NREP: variants seen among roughly 807,000 people sequenced by gnomAD.
The protein encoded by NREP is neuronal regeneration related protein.
A neutral mutation model predicts 8.6 loss-of-function variants in NREP; 5 were observed. The ratio of observed to expected loss-of-function variants is 0.58; its 90% CI spans 0.30 to 1.22. NREP has a LOEUF of 1.22. NREP is among the 50% of genes most tolerant of loss of function. NREP has a pLI of 0.07. For missense variants in NREP, 86 were observed against 82.5 expected (o/e 1.04, Z -0.17); for synonymous variants, 27 against 28.0 (o/e 0.96, Z 0.11).
chr5:111,825,528 T>C (rs1752602607), intron 2 of NREP, among the ~76,000 whole-genome samples: 1 of 152,224 alleles, frequency 6.6e-6, no homozygotes, highest in African/African-American at 2.4e-5. Flanking sequence ...TGCAGAATTC[T>C]TGATTACCAA....
At chr5:111,970,631 G>C (rs1470378041) in intron 2 of NREP, among the ~76,000 whole-genome samples, 1 of 151,944 alleles carries the variant, frequency 6.6e-6, no homozygotes, top group African/African-American at 2.4e-5. Flanking sequence ...TTTGAGACCA[G>C]CCTGGCCAAC....
At chr5:111,940,916 C>G (rs1755811508) in intron 2 of NREP, among the ~76,000 whole-genome samples, 1 of 152,034 alleles carries the variant, frequency 6.6e-6, no homozygotes, top group East Asian at 1.9e-4. Flanking sequence ...GCACATAGGG[C>G]AAGGTCGAGA....
chr5:111,775,965 TA>T (rs1751347218), intron 2 of NREP, among the ~76,000 whole-genome samples: 1 of 152,160 alleles, frequency 6.6e-6, no homozygotes, highest in South Asian at 2.1e-4. Flanking sequence ...TCACTTATAA[TA>T]AGAGACTTTC....
chr5:111,769,779 C>T (rs1751174749), intron 2 of NREP, among the ~76,000 whole-genome samples: 1 of 152,090 alleles, frequency 6.6e-6, no homozygotes. Context: ...TTTAAACCAC[C>T]AGATCTTGAG....
chr5:111,823,139 G>C (rs1752547766), intron 2 of NREP, among the ~76,000 whole-genome samples: 1 of 152,214 alleles, frequency 6.6e-6, no homozygotes, highest in African/African-American at 2.4e-5. Context: ...GGAAGCAAAA[G>C]AGTGAGAGGG....
intron 2 of NREP, among the ~76,000 whole-genome samples, chr5:111,922,548 C>T (rs935592734): frequency 6.6e-6 from 1 of 152,152 alleles, no homozygotes; most frequent in Non-Finnish European, 1.5e-5. Flanking sequence ...ACTTCCCATT[C>T]TCTGAGCTCG....
intron 2 of NREP, among the ~76,000 whole-genome samples, chr5:111,795,319 A>G (rs1176402404): frequency 6.6e-6 from 1 of 152,192 alleles, no homozygotes. Flanking sequence ...CCTGTAGGAA[A>G]CTTCAAGATG....
At chr5:111,960,999 T>C (rs1011993906) in intron 2 of NREP, among the ~76,000 whole-genome samples, 1 of 152,246 alleles carries the variant, frequency 6.6e-6, no homozygotes, top group Admixed American at 6.5e-5. Flanking sequence ...TGACATGGTA[T>C]GGCAAAAGTC....
At chr5:111,779,204 T>G (rs1751432852) in intron 2 of NREP, among the ~76,000 whole-genome samples, 1 of 152,186 alleles carries the variant, frequency 6.6e-6, no homozygotes, top group South Asian at 2.1e-4. Flanking sequence ...ATAAGCTTAT[T>G]GCTGTGTTGT....
At chr5:111,864,001 T>A (rs1753609340) in intron 2 of NREP, among the ~76,000 whole-genome samples, 1 of 152,118 alleles carries the variant, frequency 6.6e-6, no homozygotes, top group African/African-American at 2.4e-5. Flanking sequence ...GTCAGGCAGT[T>A]ACAGAGCTCA....
chr5:111,923,607 A>G (rs1395546688), intron 2 of NREP, among the ~76,000 whole-genome samples: 4 of 152,178 alleles, frequency 2.6e-5, no homozygotes. Flanking sequence ...GCTATTCTCC[A>G]GGGTTTATTT....
chr5:111,793,232 A>T (rs1405283846), intron 2 of NREP, among the ~76,000 whole-genome samples: 1 of 152,160 alleles, frequency 6.6e-6, no homozygotes, highest in East Asian at 1.9e-4. Flanking sequence ...ATATATAGAT[A>T]TATAAGAGGA....
chr5:111,802,188 G>A (rs1752029652), intron 2 of NREP, among the ~76,000 whole-genome samples: 1 of 152,238 alleles, frequency 6.6e-6, no homozygotes, highest in South Asian at 2.1e-4. Flanking sequence ...GCTTAATGAA[G>A]AATTTTAATA....
At chr5:111,930,441 G>A (rs1462864813) in intron 2 of NREP, among the ~76,000 whole-genome samples, 2 of 152,118 alleles carry the variant, frequency 1.3e-5, no homozygotes, top group Admixed American at 6.6e-5. Flanking sequence ...TGTTAAAAAT[G>A]TATTTTATGA....
intron 2 of NREP, among the ~76,000 whole-genome samples, chr5:111,824,624 G>T (rs1237073337): frequency 1.3e-5 from 2 of 152,080 alleles, no homozygotes; most frequent in Non-Finnish European, 2.9e-5. Context: ...GTTAAAATTG[G>T]TAAGGCAATA....
At chr5:111,862,451 T>A (rs893456788) in intron 2 of NREP, among the ~76,000 whole-genome samples, 5 of 152,058 alleles carry the variant, frequency 3.3e-5, no homozygotes, top group Non-Finnish European at 7.4e-5. Flanking sequence ...GCAGCTTTAG[T>A]CCTACTGAGA....
rs549647246 is a variant in NREP at position 111,794,007 on chromosome 5, T to C, written c.136-58500A>G. On this transcript the variant is annotated intron_variant, in intron 2 of 3. Transcript: ENST00000395634. Reference sequence around the variant, plus strand: ...AAGAGGAGAAGGCTGCAGTGAGCTATGCCCATGCTTAGTCTGGGCAACACA... The same window carrying C: ...AAGAGGAGAAGGCTGCAGTGAGCTACGCCCATGCTTAGTCTGGGCAACACA... Among the ~76,000 whole-genome samples the C allele has an allele frequency of 3.3e-5, 5 of 152,310 alleles. No individual in the cohort carries two copies. In the East Asian group the frequency reaches 5.8e-4, roughly 18 times the overall value.
chr5:111,931,063 C>A (rs1755523316), intron 2 of NREP, among the ~76,000 whole-genome samples: 1 of 152,018 alleles, frequency 6.6e-6, no homozygotes, highest in Non-Finnish European at 1.5e-5. Context: ...TTTGACAAGG[C>A]ATTGAGATGC....
chr5:111,923,091 G>A (rs749638765), intron 2 of NREP, among the ~76,000 whole-genome samples: 13 of 152,188 alleles, frequency 8.5e-5, no homozygotes, highest in Non-Finnish European at 1.2e-4. Flanking sequence ...GTGAGAAACT[G>A]TCTCTCCTTC....
Sources: allele counts gnomAD v4.1 joint callset (sites outside exome capture counted in the v4.1 genomes callset), GRCh38; gene constraint gnomAD v4.1.1; transcripts MANE v1.5; gene names NCBI Gene and HGNC (gene_info 2026-07-23, HGNC 2026-07-21).